Variants in SLC44A5 observed in about 807,000 individuals in gnomAD.
SLC44A5 encodes choline transporter-like protein 5.
In SLC44A5, 57 loss-of-function variants were observed where a neutral mutation model predicts 101.8. That is an observed-to-expected ratio of 0.56 (90% CI 0.45 to 0.70). The LOEUF (loss-of-function observed/expected upper bound fraction) is 0.70. SLC44A5 is among the 30% of genes least tolerant of loss of function. The pLI, the probability that SLC44A5 is intolerant of heterozygous loss-of-function variation, is 0.00. For synonymous variants in SLC44A5, 281 were observed against 290.9 expected (o/e 0.97, Z 0.35); for missense variants, 737 against 853.1 (o/e 0.86, Z 1.70).
chr1:75,518,268 T>A lies in SLC44A5; in HGVS notation c.13+23167A>T, dbSNP rs971798075. Among the ~76,000 whole-genome samples, 26 of 152,268 alleles carry A rather than the reference T, an allele frequency of 1.7e-4. 1 individual carries two copies. In the South Asian group the frequency reaches 3.9e-3, roughly 23 times the overall value. ...ATTAAAAATAGCAGTCTCAAAGAAC[T>A]AATAAATGAGAGAATATTCATGATA... On this transcript the variant is annotated intron_variant, in intron 2 of 23. Coordinates refer to ENST00000370859, the MANE Select transcript of SLC44A5 (RefSeq NM_001130058.2).
chr1:75,281,647 C>CCCCG (rs888100463), intron 5 of SLC44A5, among the ~76,000 whole-genome samples: 1 of 112,928 alleles, frequency 8.9e-6, no homozygotes, highest in African/African-American at 2.8e-5. Flanking sequence ...CCCCCCCCCC[C>CCCCG]CCCCGCTGCA....
intron 13 of SLC44A5, among the ~76,000 whole-genome samples, chr1:75,222,680 C>G (rs1647112624): frequency 6.6e-6 from 1 of 152,176 alleles, no homozygotes; most frequent in Non-Finnish European, 1.5e-5. Flanking sequence ...TTGAACATCT[C>G]TTTTGGAAAG....
chr1:75,238,698 C>A, intron 9 of SLC44A5, 62 bp from the exon 10 acceptor site: 1 of 1,153,204 alleles, frequency 8.7e-7, no homozygotes, highest in Non-Finnish European at 1.2e-6. Flanking sequence ...TGATGTCCTC[C>A]CTTTCTTAAG....
chr1:75,233,391 C>A (rs1043767437), intron 12 of SLC44A5, among the ~76,000 whole-genome samples: 2 of 152,050 alleles, frequency 1.3e-5, no homozygotes, highest in Non-Finnish European at 2.9e-5. Context: ...TTACTCCACA[C>A]TCTACGTCCA....
At chr1:75,690,403 T>C in the SLC44A5 span, among the ~76,000 whole-genome samples, 1 of 152,174 alleles carries the variant, frequency 6.6e-6, no homozygotes, top group Non-Finnish European at 1.5e-5. Flanking sequence ...ACACGGGGAT[T>C]ATAATTTGAG....
intron 2 of SLC44A5, among the ~76,000 whole-genome samples, chr1:75,399,672 G>A (rs1196467948): frequency 1.3e-5 from 2 of 152,052 alleles, no homozygotes; most frequent in African/African-American, 2.4e-5. Context: ...AAAGCAGGTA[G>A]CAAAAAGCAT....
In SLC44A5 at chr1:75,250,608, G is replaced by T. The variant is rs533062290; in HGVS notation, c.345+602C>A. On this transcript the variant is annotated intron_variant, in intron 7 of 23. Transcript: ENST00000370859. ...TAACCAGTTTGTGTCTGTGGCATAT[G>T]AGTGGAAATGCAATGTGTGAAACTT... Among the ~76,000 whole-genome samples the T allele has an allele frequency of 1.3e-5, 2 of 152,294 alleles. 1 individual carries two copies. Among genetic ancestry groups the T allele is most frequent in the South Asian group, 4.1e-4 (2 of 4,826 alleles).
chr1:75,650,920 C>A, the SLC44A5 span, among the ~76,000 whole-genome samples: 10,870 of 152,190 alleles, frequency 0.071, 622 homozygotes, highest in East Asian at 0.25. Flanking sequence ...CGAATTCAGG[C>A]CACAAATTCA....
At chr1:75,469,180 C>A (rs981863238) in intron 2 of SLC44A5, among the ~76,000 whole-genome samples, 1 of 151,832 alleles carries the variant, frequency 6.6e-6, no homozygotes, top group African/African-American at 2.4e-5. Flanking sequence ...ATTTTGAATC[C>A]TTTTTGTTTT....
intron 23 of SLC44A5, among the ~76,000 whole-genome samples, chr1:75,208,235 T>G (rs1304161954): frequency 6.6e-6 from 1 of 152,214 alleles, no homozygotes; most frequent in Non-Finnish European, 1.5e-5. Flanking sequence ...CTCAGCTCAC[T>G]GCAGCCTCTG....
At chr1:75,304,353 AT>A (rs1654752380) in intron 4 of SLC44A5, among the ~76,000 whole-genome samples, 2 of 151,594 alleles carry the variant, frequency 1.3e-5, no homozygotes, top group South Asian at 4.2e-4. Flanking sequence ...ATTACCTGCT[AT>A]TTTTTCCATT....
chr1:75,226,422 G>T (rs1557546745), intron 13 of SLC44A5, among the ~76,000 whole-genome samples: 1 of 152,090 alleles, frequency 6.6e-6, no homozygotes, highest in Non-Finnish European at 1.5e-5. Flanking sequence ...CAGGTGCTCT[G>T]ATCCCAGGAA....
Position 75,279,124 on chromosome 1 carries a change from G to A in SLC44A5, c.176-4082C>T, listed in dbSNP as rs965558397. On this transcript the variant is annotated intron_variant, in intron 5 of 23. Transcript: ENST00000370859. The stretch of plus-strand genomic sequence containing the variant: ...TATTGTTAACTACAGTTTCCCCACT[G>A]TACTGTCAGATACTAAAATTTATTC... 9.2e-5 allele frequency among the ~76,000 whole-genome samples: 14 copies of A among 151,984 alleles called. No individual in the cohort carries two copies. In the East Asian group the frequency reaches 2.1e-3, roughly 23 times the overall value.
chr1:75,478,003 A>G (rs971192982), intron 2 of SLC44A5, among the ~76,000 whole-genome samples: 1 of 152,164 alleles, frequency 6.6e-6, no homozygotes. Flanking sequence ...AGCCAGAGAG[A>G]AAGGTCGGGT....
intron 13 of SLC44A5, among the ~76,000 whole-genome samples, chr1:75,227,456 T>A (rs1025172506): frequency 4.6e-5 from 7 of 152,208 alleles, no homozygotes. Flanking sequence ...GACCTCAGGT[T>A]AATGCCTATA....
At chr1:75,271,187 C>T (rs1344244011) in intron 6 of SLC44A5, among the ~76,000 whole-genome samples, 2 of 152,054 alleles carry the variant, frequency 1.3e-5, no homozygotes, top group Non-Finnish European at 2.9e-5. Flanking sequence ...ATTTGCCCCT[C>T]TCCTTAAATT....
At chr1:75,679,060 G>T in the SLC44A5 span, among the ~76,000 whole-genome samples, 1 of 152,018 alleles carries the variant, frequency 6.6e-6, no homozygotes, top group Admixed American at 6.6e-5. Flanking sequence ...GAAGTTTAGA[G>T]AAAAAAGAAT....
At chr1:75,541,935 GTT>G in intron 1 of SLC44A5, among the ~76,000 whole-genome samples, 1 of 152,102 alleles carries the variant, frequency 6.6e-6, no homozygotes, top group East Asian at 1.9e-4. Flanking sequence ...TGACATTTTT[GTT>G]TTGAGTTCAG....
chr1:75,412,211 T>C (rs79714151), intron 2 of SLC44A5, among the ~76,000 whole-genome samples: 51 of 152,344 alleles, frequency 3.3e-4, no homozygotes, highest in Non-Finnish European at 6.0e-4. Flanking sequence ...TTTTAATCTT[T>C]GTATCTCCAG....
Sources: allele counts gnomAD v4.1 joint callset (sites outside exome capture counted in the v4.1 genomes callset), GRCh38; gene constraint gnomAD v4.1.1; transcripts MANE v1.5; gene names NCBI Gene and HGNC (gene_info 2026-07-23, HGNC 2026-07-21).